KALRN: variants seen among roughly 807,000 people sequenced by gnomAD.
The protein encoded by KALRN is kalirin RhoGEF kinase.
Under a neutral mutation model 353.7 loss-of-function variants are expected in KALRN, and 70 were observed. The observed-to-expected ratio is 0.20, with a 90% CI of 0.16 to 0.24. The LOEUF is 0.24. KALRN is among the 10% of genes least tolerant of loss of function. The pLI, the probability that KALRN is intolerant of heterozygous loss-of-function variation, is 1.00. For synonymous variants in KALRN, 1,391 were observed against 1,434.8 expected (o/e 0.97, Z 0.69); for missense variants, 2,791 against 3,756.7 (o/e 0.74, Z 6.72).
intron 33 of KALRN, among the ~76,000 whole-genome samples, chr3:124,561,869 C>T (rs1371878500): frequency 6.6e-6 from 1 of 152,164 alleles, no homozygotes. Flanking sequence ...GTACTTAGTT[C>T]TATGAGACAA....
At chr3:124,084,606 A>G (rs946694089) in intron 1 of KALRN, among the ~76,000 whole-genome samples, 2 of 152,046 alleles carry the variant, frequency 1.3e-5, no homozygotes, top group Non-Finnish European at 1.5e-5. Context: ...TTAGACAATT[A>G]CTCCCCAAGG....
chr3:124,155,858 A>G (rs1486172689), intron 1 of KALRN, among the ~76,000 whole-genome samples: 1 of 152,194 alleles, frequency 6.6e-6, no homozygotes, highest in South Asian at 2.1e-4. Context: ...AGAATTAGAC[A>G]CACAGAGCCT....
At chr3:124,509,721 C>T (rs1230991548) in intron 33 of KALRN, among the ~76,000 whole-genome samples, 1 of 152,110 alleles carries the variant, frequency 6.6e-6, no homozygotes, top group Non-Finnish European at 1.5e-5. Flanking sequence ...ATGAAATATG[C>T]TAGAAAAAAG....
At chr3:124,341,799 G>C (rs2081752875) in intron 9 of KALRN, among the ~76,000 whole-genome samples, 1 of 152,170 alleles carries the variant, frequency 6.6e-6, no homozygotes. Flanking sequence ...AACAGAATAA[G>C]AGAAACACCC....
intron 13 of KALRN, among the ~76,000 whole-genome samples, chr3:124,399,879 G>A (rs1240470368): frequency 6.6e-6 from 1 of 152,066 alleles, no homozygotes; most frequent in African/African-American, 2.4e-5. Flanking sequence ...CTAAAGCCAG[G>A]CCAATAGGGT....
intron 33 of KALRN, among the ~76,000 whole-genome samples, chr3:124,528,066 T>C (rs1191902007): frequency 2.0e-5 from 3 of 152,098 alleles, no homozygotes; most frequent in Admixed American, 2.0e-4. Flanking sequence ...CCCTAAGAGG[T>C]TTAAAAATAT....
chr3:124,345,320 T>G (rs182356222), intron 9 of KALRN, among the ~76,000 whole-genome samples: 1 of 152,340 alleles, frequency 6.6e-6, no homozygotes, highest in Admixed American at 6.5e-5. Context: ...AGTATTTACC[T>G]TTGACCTTGC....
chr3:124,632,386 C>T, intron 34 of KALRN, 34 bp from the exon 35 acceptor site: 2 of 1,607,282 alleles, frequency 1.2e-6, no homozygotes, highest in Non-Finnish European at 1.7e-6. Flanking sequence ...CCTTCACCAC[C>T]TCTGACATGG....
intron 34 of KALRN, among the ~76,000 whole-genome samples, chr3:124,630,444 T>G (rs2080640511): frequency 6.6e-6 from 1 of 152,140 alleles, no homozygotes; most frequent in African/African-American, 2.4e-5. Context: ...TCACCCAGGC[T>G]GGAGTGCAGT....
At chr3:124,602,908 T>A (rs1315580782) in intron 34 of KALRN, among the ~76,000 whole-genome samples, 2 of 152,020 alleles carry the variant, frequency 1.3e-5, no homozygotes, top group African/African-American at 4.8e-5. Context: ...TCTCACTTAC[T>A]CTGCTGGCCC....
chr3:124,720,163 G>A lies in KALRN; in HGVS notation c.*693G>A, dbSNP rs540309817. On this transcript the variant is annotated 3_prime_UTR_variant, in exon 60 of 60. Transcript: ENST00000682506. ...ACCAGAACCTGTGCATTAAGAGAAA[G>A]CAATGTTGCCCTTTTGAATGAGAAA... 1.3e-5 allele frequency: 2 copies of A among 152,696 alleles called. No homozygotes were observed. Among genetic ancestry groups the A allele is most frequent in the South Asian group, 2.1e-4 (1 of 4,826 alleles). The allele number at this position is 152,696 out of a possible 1,614,324, so 9.5% of individuals were successfully genotyped here.
At chr3:124,265,615 T>G (rs1443181706) in intron 4 of KALRN, among the ~76,000 whole-genome samples, 1 of 152,090 alleles carries the variant, frequency 6.6e-6, no homozygotes, top group Non-Finnish European at 1.5e-5. Flanking sequence ...ATATTCTTAA[T>G]ATGAAATCTC....
chr3:124,399,012 C>A, intron 13 of KALRN, 141 bp downstream of exon 13: 1 of 788,494 alleles, frequency 1.3e-6, no homozygotes, highest in Non-Finnish European at 1.9e-6. Context: ...ATTCCCAGTC[C>A]ACCATGGCAT....
At chr3:124,380,672 G>A (rs928106528) in intron 10 of KALRN, among the ~76,000 whole-genome samples, 6 of 152,224 alleles carry the variant, frequency 3.9e-5, no homozygotes, top group Non-Finnish European at 8.8e-5. Context: ...TGAGTCAAAA[G>A]CTGTTGTTGA....
At chr3:124,273,847 G>A (rs1560429177) in intron 5 of KALRN, among the ~76,000 whole-genome samples, 2 of 152,322 alleles carry the variant, frequency 1.3e-5, no homozygotes. Flanking sequence ...TAATGGGCCT[G>A]TCCTCCACTG....
Position 124,265,062 on chromosome 3 carries a change from G to A in KALRN, c.456+372G>A, listed in dbSNP as rs183507135. Among the ~76,000 whole-genome samples, 5 of 152,136 alleles carry A rather than the reference G, an allele frequency of 3.3e-5. No homozygotes were observed. The East Asian group carries it at 5.8e-4, about 18-fold the overall frequency. On this transcript the variant is annotated intron_variant, in intron 4 of 59. Transcript: ENST00000682506. ...GTTGTACATATTTTTGGGTACATGT[G>A]ACATTTTGATGCCTGTATACAGTAT...
At chr3:124,068,022 G>A (rs1446909352) in intron 1 of KALRN, among the ~76,000 whole-genome samples, 2 of 152,262 alleles carry the variant, frequency 1.3e-5, no homozygotes, top group Non-Finnish European at 2.9e-5. Context: ...CCATGGGTCT[G>A]ATTCCTATGG....
chr3:124,448,277 A>G (rs779916022), intron 21 of KALRN, among the ~76,000 whole-genome samples: 3 of 152,072 alleles, frequency 2.0e-5, no homozygotes, highest in Non-Finnish European at 2.9e-5. Flanking sequence ...ATTTGATTGC[A>G]TGCCTTTGGT....
intron 33 of KALRN, among the ~76,000 whole-genome samples, chr3:124,546,758 C>A (rs192886362): frequency 3.9e-5 from 6 of 152,172 alleles, no homozygotes; most frequent in Non-Finnish European, 2.9e-5. Context: ...TCTAGTGAAG[C>A]CTTTTCAGGG....
Sources: allele counts gnomAD v4.1 joint callset (sites outside exome capture counted in the v4.1 genomes callset), GRCh38; gene constraint gnomAD v4.1.1; transcripts MANE v1.5; gene names NCBI Gene and HGNC (gene_info 2026-07-23, HGNC 2026-07-21).